Variants in USP3 observed in about 807,000 individuals in gnomAD.
The protein encoded by USP3 is ubiquitin specific peptidase 3, also known as ubiquitin carboxyl-terminal hydrolase 3.
In USP3, 20 loss-of-function variants were observed where a neutral mutation model predicts 72.3. The observed-to-expected ratio is 0.28, with a 90% CI of 0.19 to 0.40. The LOEUF is 0.40. Ranked by LOEUF, USP3 falls within the 10% of genes least tolerant of loss-of-function variation. The probability of loss-of-function intolerance (pLI) is 1.00; values close to 1 mark genes in which losing one functional copy is unlikely to be tolerated. For missense variants in USP3, 479 were observed against 633.9 expected (o/e 0.76, Z 2.62); for synonymous variants, 222 against 225.3 (o/e 0.99, Z 0.13).
At chr15:63,573,404 A>G (rs1042293091) in intron 9 of USP3, among the ~76,000 whole-genome samples, 1 of 152,200 alleles carries the variant, frequency 6.6e-6, no homozygotes, top group African/African-American at 2.4e-5. Flanking sequence ...AATCGTTCTT[A>G]AAACAGTATA....
chr15:63,526,310 CTA>C (rs2065981085), intron 1 of USP3, among the ~76,000 whole-genome samples: 1 of 152,174 alleles, frequency 6.6e-6, no homozygotes, highest in African/African-American at 2.4e-5. Flanking sequence ...TTGAAACACT[CTA>C]TGAGTTTAAT....
At chr15:63,551,075 G>A (rs903906284) in intron 3 of USP3, among the ~76,000 whole-genome samples, 1 of 152,174 alleles carries the variant, frequency 6.6e-6, no homozygotes, top group Non-Finnish European at 1.5e-5. Context: ...CTTCAGGAAT[G>A]TTTTTGTTTT....
chr15:63,504,728 C>T lies in USP3; in HGVS notation c.-12C>T. 1 of 1,599,546 alleles carries T rather than the reference C, an allele frequency of 6.3e-7. No individual in the cohort carries two copies. Among genetic ancestry groups the T allele is most frequent in the Non-Finnish European group, 8.5e-7 (1 of 1,173,178 alleles). On this transcript the variant is annotated 5_prime_UTR_variant, in exon 1 of 15. Coordinates refer to ENST00000380324, the MANE Select transcript of USP3 (RefSeq NM_006537.4). ...TGGAGCCGCAGTCCTCCCAGCTGCC[C>T]TCCTCGTGGCCATGGAGTGTCCACA...
rs1239026128 is a variant in USP3 at position 63,590,669 on chromosome 15, C to CTGGACATTACACAG, written c.1407_1420dup (p.Ala474ValfsTer22). On this transcript the variant is annotated frameshift_variant, in exon 15 of 15. Transcript: ENST00000380324. LOFTEE classifies it high-confidence loss of function. ...GTCTTTTGCCTTTACAGGGTTGGTT[C>CTGGACATTACACAG]TGGACATTACACAGCATACGCAACT... 6.3e-7 allele frequency: 1 copy of CTGGACATTACACAG among 1,598,018 alleles called. No homozygotes were observed. The highest frequency in any genetic ancestry group is 8.5e-7 in the Non-Finnish European group (1 of 1,172,482).
intron 14 of USP3, 52 bp from the exon 15 acceptor site, chr15:63,590,609 T>G (rs2067178146): frequency 1.4e-5 from 20 of 1,457,088 alleles, no homozygotes; most frequent in Non-Finnish European, 1.7e-5. Context: ...GTTGTACAGG[T>G]CTTTTTGTGA....
intron 11 of USP3, among the ~76,000 whole-genome samples, chr15:63,579,447 A>G (rs1003683417): frequency 6.6e-6 from 1 of 152,224 alleles, no homozygotes; most frequent in African/African-American, 2.4e-5. Context: ...ATGCCAAAGA[A>G]TGTCAAATCA....
intron 2 of USP3, among the ~76,000 whole-genome samples, chr15:63,534,840 A>G (rs2066131103): frequency 1.3e-5 from 2 of 152,178 alleles, no homozygotes. Context: ...TTAGTATTAT[A>G]AATATATATG....
chr15:63,546,937 T>A (rs2066337924), intron 3 of USP3, among the ~76,000 whole-genome samples: 1 of 152,212 alleles, frequency 6.6e-6, no homozygotes, highest in African/African-American at 2.4e-5. Flanking sequence ...ACACCAATAT[T>A]AGTGGGACAA....
chr15:63,553,806 A>G lies in USP3; in HGVS notation c.368+8A>G. 1.2e-6 allele frequency: 2 copies of G among 1,609,168 alleles called. No homozygotes were observed. The highest frequency in any genetic ancestry group is 1.7e-6 in the Non-Finnish European group (2 of 1,177,912). ...CTTACAGAACTTGGAAAAGTAAGTAATAGGCCTTTGGAAAAAGAAGGGCCT... is the reference window on the plus strand; with the variant it reads ...CTTACAGAACTTGGAAAAGTAAGTAGTAGGCCTTTGGAAAAAGAAGGGCCT... On this transcript the variant is annotated splice_region_variant and intron_variant, in intron 4 of 14. Coordinates refer to ENST00000380324, the MANE Select transcript of USP3 (RefSeq NM_006537.4). This position sits in a 1 kb window ranked among gnomAD's most constrained non-coding sequence, Gnocchi z 4.2.
intron 3 of USP3, among the ~76,000 whole-genome samples, chr15:63,541,682 T>A (rs1266454783): frequency 6.6e-6 from 1 of 152,164 alleles, no homozygotes; most frequent in Non-Finnish European, 1.5e-5. Context: ...AAAATGCTCT[T>A]GCTTCCTAAG....
At chr15:63,555,113 C>T (rs143401560) in intron 4 of USP3, among the ~76,000 whole-genome samples, 2 of 152,282 alleles carry the variant, frequency 1.3e-5, no homozygotes, top group East Asian at 3.9e-4. Context: ...GTTAAAAAAT[C>T]TTTTCTTTCC....
intron 11 of USP3, among the ~76,000 whole-genome samples, chr15:63,582,750 C>T (rs2066985692): frequency 6.6e-6 from 1 of 152,042 alleles, no homozygotes; most frequent in Non-Finnish European, 1.5e-5. Flanking sequence ...GCATAAAGAG[C>T]CTCCTTTGCA....
At chr15:63,584,007 T>G (rs1434496373) in intron 11 of USP3, among the ~76,000 whole-genome samples, 1 of 152,152 alleles carries the variant, frequency 6.6e-6, no homozygotes, top group East Asian at 1.9e-4. Flanking sequence ...GAATCATAAT[T>G]CTGTTTAACT....
chr15:63,513,341 C>T (rs192616156), intron 1 of USP3, among the ~76,000 whole-genome samples: 128 of 152,266 alleles, frequency 8.4e-4, no homozygotes, highest in African/African-American at 3.1e-3. Flanking sequence ...TTCTTTAAAT[C>T]TTTGTCCTTG....
chr15:63,544,605 G>A lies in USP3; in HGVS notation c.284+7449G>A. ...TAAATTTTAGGACAAGAAAACGATTGAGCCATGCTGTGTGTTTTCATTTTT... is the reference window on the plus strand; with the variant it reads ...TAAATTTTAGGACAAGAAAACGATTAAGCCATGCTGTGTGTTTTCATTTTT... On this transcript the variant is annotated intron_variant, in intron 3 of 14. Coordinates refer to ENST00000380324, the MANE Select transcript of USP3 (RefSeq NM_006537.4). This position sits in a 1 kb window ranked among gnomAD's most constrained non-coding sequence, Gnocchi z 4.2. 2 of 670,860 alleles carry A rather than the reference G, an allele frequency of 3.0e-6. No homozygotes were observed. Among genetic ancestry groups the A allele is most frequent in the Non-Finnish European group, 5.4e-6 (2 of 371,296 alleles). The allele number at this position is 670,860 out of a possible 1,614,324, so 41.6% of individuals were successfully genotyped here.
intron 8 of USP3, among the ~76,000 whole-genome samples, chr15:63,565,565 T>C (rs965336399): frequency 2.0e-5 from 3 of 152,252 alleles, no homozygotes; most frequent in Non-Finnish European, 4.4e-5. Flanking sequence ...TTCTGTTTTC[T>C]GGAAGCAACC....
chr15:63,536,722 T>C (rs1422783686), intron 2 of USP3, among the ~76,000 whole-genome samples: 4 of 151,388 alleles, frequency 2.6e-5, no homozygotes, highest in Admixed American at 6.6e-5. Flanking sequence ...GGTGTGATGG[T>C]GGGCGCCTGT....
chr15:63,588,124 T>G lies in USP3; in HGVS notation c.1097-181T>G, dbSNP rs1169862553. On this transcript the variant is annotated intron_variant, in intron 11 of 14. Transcript: ENST00000380324. This position sits in a 1 kb window ranked among gnomAD's most constrained non-coding sequence, Gnocchi z 4.6. ...GTGCTCTACACATTATTTCTCTTCCTTATAATAGTTCTTCAAAGTAGGTAT... is the reference window on the plus strand; with the variant it reads ...GTGCTCTACACATTATTTCTCTTCCGTATAATAGTTCTTCAAAGTAGGTAT... 10 of 501,604 alleles carry G rather than the reference T, an allele frequency of 2.0e-5. No individual in the cohort carries two copies. The highest frequency in any genetic ancestry group is 3.5e-5 in the Non-Finnish European group (10 of 286,640). The allele number at this position is 501,604 out of a possible 1,614,324, so 31.1% of individuals were successfully genotyped here. A position where few individuals can be genotyped will look rare whatever the true frequency, so the allele number is the denominator to read the frequency against.
intron 1 of USP3, among the ~76,000 whole-genome samples, chr15:63,523,614 G>A (rs748307988): frequency 5.3e-5 from 8 of 152,182 alleles, no homozygotes; most frequent in Non-Finnish European, 1.0e-4. Context: ...GAGTTTCCTG[G>A]TCACTGTGCC....
Sources: allele counts gnomAD v4.1 joint callset (sites outside exome capture counted in the v4.1 genomes callset), GRCh38; gene constraint gnomAD v4.1.1; non-coding constraint Gnocchi (gnomAD v3.1); transcripts MANE v1.5; gene names NCBI Gene and HGNC (gene_info 2026-07-23, HGNC 2026-07-21).